Variants in RP1 observed in about 807,000 individuals in gnomAD.
RP1 encodes RP1 axonemal microtubule associated.
RP1 carries 16 observed loss-of-function variants against 14.8 expected under a neutral mutation model. The ratio of observed to expected loss-of-function variants is 1.08; its 90% confidence interval spans 0.73 to 1.65. The LOEUF (loss-of-function observed/expected upper bound fraction) is 1.65, where lower values mean the gene tolerates loss of function less well. Ranked by LOEUF, RP1 falls within the 40% of genes most tolerant of loss-of-function variation. RP1 has a pLI of 0.00. For synonymous variants in RP1, 876 were observed against 883.6 expected (o/e 0.99, Z 0.15); for missense variants, 2,631 against 2,535.0 (o/e 1.04, Z -0.81).
At chr8:54,841,078 G>A (rs182431591) in intron 25 of RP1, among the ~76,000 whole-genome samples, 1 of 152,164 alleles carries the variant, frequency 6.6e-6, no homozygotes, top group Non-Finnish European at 1.5e-5. Flanking sequence ...AGTGGTCTGG[G>A]CATGCTGAGT....
chr8:54,755,367 T>TA (rs1447030538), intron 20 of RP1, among the ~76,000 whole-genome samples: 1 of 152,210 alleles, frequency 6.6e-6, no homozygotes, highest in African/African-American at 2.4e-5. Context: ...AACAACCTTA[T>TA]AAAAAATCTT....
chr8:54,868,384 T>A, intron 28 of RP1, among the ~76,000 whole-genome samples: 1 of 152,230 alleles, frequency 6.6e-6, no homozygotes, highest in East Asian at 1.9e-4. Flanking sequence ...TAAACTGTTT[T>A]CCTTGCCTTT....
intron 8 of RP1, among the ~76,000 whole-genome samples, chr8:54,674,848 A>G (rs1008365321): frequency 3.3e-5 from 5 of 152,204 alleles, no homozygotes; most frequent in Non-Finnish European, 7.3e-5. Context: ...TTTTGAACAG[A>G]TGTAAATTAT....
chr8:54,827,453 C>A, intron 24 of RP1, among the ~76,000 whole-genome samples: 1 of 151,940 alleles, frequency 6.6e-6, no homozygotes, highest in East Asian at 1.9e-4. Context: ...CAGCCTTCTC[C>A]CAAGTAGCTG....
exon 18 of RP1, chr8:54,734,582 G>C (rs1563361415): frequency 2.0e-6 from 3 of 1,535,478 alleles, no homozygotes; most frequent in Non-Finnish European, 2.6e-6. Context: ...AGACTCTTCT[G>C]TCAGAAGATG....
intron 3 of RP1, among the ~76,000 whole-genome samples, chr8:54,641,292 T>C (rs1374100533): frequency 1.3e-5 from 2 of 152,166 alleles, no homozygotes; most frequent in Non-Finnish European, 2.9e-5. Flanking sequence ...TACATACCTA[T>C]ATCATGAAGG....
intron 12 of RP1, among the ~76,000 whole-genome samples, chr8:54,687,397 G>A (rs760584612): frequency 6.6e-6 from 1 of 152,054 alleles, no homozygotes; most frequent in Non-Finnish European, 1.5e-5. Flanking sequence ...TGCCATAGTG[G>A]TTTGCTGCAC....
chr8:54,633,391 A>G (rs970361812), downstream of RP1, among the ~76,000 whole-genome samples: 1 of 152,130 alleles, frequency 6.6e-6, no homozygotes, highest in Non-Finnish European at 1.5e-5. Context: ...TAATTTTTAC[A>G]TGACACTTTC....
intron 8 of RP1, among the ~76,000 whole-genome samples, chr8:54,674,107 C>T (rs1807241108): frequency 2.0e-5 from 3 of 151,910 alleles, no homozygotes; most frequent in Admixed American, 1.3e-4. Flanking sequence ...ATGTATTTTT[C>T]TTCAAAATGA....
chr8:54,679,777 T>C (rs1201198583), intron 11 of RP1: 33 of 1,533,572 alleles, frequency 2.2e-5, no homozygotes, highest in Non-Finnish European at 2.7e-5. Flanking sequence ...GGTGTTTTCA[T>C]TTGTTTTGCT....
At chr8:54,799,641 A>G (rs1810655466) in intron 24 of RP1, among the ~76,000 whole-genome samples, 1 of 150,958 alleles carries the variant, frequency 6.6e-6, no homozygotes, top group South Asian at 2.1e-4. Context: ...TATTTATACT[A>G]TTTTTTCTTT....
intron 24 of RP1, among the ~76,000 whole-genome samples, chr8:54,826,911 T>C (rs1167613341): frequency 1.3e-5 from 2 of 152,266 alleles, no homozygotes; most frequent in Non-Finnish European, 2.9e-5. Context: ...GCCTATGCTA[T>C]ATGGGATTGC....
intron 19 of RP1, among the ~76,000 whole-genome samples, chr8:54,746,867 A>G (rs1809236545): frequency 6.6e-6 from 1 of 152,206 alleles, no homozygotes; most frequent in African/African-American, 2.4e-5. Flanking sequence ...AATAAATGAA[A>G]CATAATCAGA....
At position 54,629,417 on chromosome 8, in the gene RP1, A is replaced by C. The variant is rs1269660570; in HGVS notation, c.5535A>C (p.Glu1845Asp). 1 of 1,614,046 alleles carries C rather than the reference A, an allele frequency of 6.2e-7. No individual in the cohort carries two copies. Among genetic ancestry groups the C allele is most frequent in the Non-Finnish European group, 8.5e-7 (1 of 1,180,014 alleles). Reference sequence around the variant, plus strand: ...TTCGCAATGAAACCTGTGCCAAGGAAAGAATAGCAAATCATCATACAGAGG... The same window carrying C: ...TTCGCAATGAAACCTGTGCCAAGGACAGAATAGCAAATCATCATACAGAGG... ...LDVRNETCAK[E>D]RIANHHTEEK... Residue 1845 changes from glutamate to aspartate, a missense_variant, in exon 4 of 4, where the codon GAA becomes GAC. Coordinates refer to ENST00000220676, the MANE Select transcript of RP1 (RefSeq NM_006269.2).
chr8:54,585,366 G>C (rs1261389891), intron 1 of RP1, among the ~76,000 whole-genome samples: 2 of 152,204 alleles, frequency 1.3e-5, no homozygotes, highest in Non-Finnish European at 1.5e-5. Flanking sequence ...TGAGAGAGCA[G>C]CTGTTAGCCT....
rs533496263 is a variant in RP1, at chr8:54,663,710, G to A, written c.1183G>A (p.Glu395Lys). Residue 395 changes from glutamate to lysine, a missense_variant, in exon 7 of 23, where the codon GAA becomes AAA. Glu to Lys is a moderately conservative substitution (Grantham distance 56). Coordinates refer to the RP1 transcript ENST00000636932. The stretch of plus-strand genomic sequence containing the variant: ...TCTTATGTTGTCAGTGACAATATAT[G>A]AAGTGAATGTGGCAACGGGTGAGCT... 1.6e-4 allele frequency: 247 copies of A among 1,526,098 alleles called. 1 individual carries two copies. Among genetic ancestry groups the A allele is most frequent in the South Asian group, 9.1e-4 (74 of 81,752 alleles). 94.5% of individuals were successfully genotyped at this position (1,526,098 alleles called of 1,614,324 possible).
chr8:54,795,511 T>C (rs1285028089), intron 24 of RP1, among the ~76,000 whole-genome samples: 1 of 152,168 alleles, frequency 6.6e-6, no homozygotes, highest in African/African-American at 2.4e-5. Flanking sequence ...AATCATTTTT[T>C]ATTTATTGGA....
rs1453395216 is a variant in RP1 at position 54,812,809 on chromosome 8, C to CTA, written c.3616-24640_3616-24639insAT. Among the ~76,000 whole-genome samples, 306 of 151,380 alleles carry CTA rather than the reference C, an allele frequency of 2.0e-3. 1 individual carries two copies. Among genetic ancestry groups the CTA allele is most frequent in the African/African-American group, 7.1e-3 (290 of 41,042 alleles). On this transcript the variant is annotated intron_variant, in intron 24 of 28. Transcript: ENST00000637698. ...TCTATCTATCTATCTATCTATCTAT[C>CTA]TCTCCGTCTTCTATCATTTATCTAT...
chr8:54,579,027 T>C (rs940941958), intron 1 of RP1, among the ~76,000 whole-genome samples: 1 of 152,220 alleles, frequency 6.6e-6, no homozygotes, highest in Non-Finnish European at 1.5e-5. Context: ...CTTCCAACTC[T>C]CTTAGTTCCA....
Sources: gnomAD v4.1 joint callset for allele counts (sites outside exome capture counted in the v4.1 genomes callset) on GRCh38, gnomAD v4.1.1 for gene constraint, MANE v1.5 for transcripts, NCBI Gene and HGNC (gene_info 2026-07-23, HGNC 2026-07-21) for gene names.